The following STXBP6 variants were observed in gnomAD, a reference collection of about 807,000 sequenced individuals.
STXBP6 encodes syntaxin binding protein 6, also known as syntaxin-binding protein 6.
A neutral mutation model predicts 26.9 loss-of-function variants in STXBP6; 21 were observed. The observed-to-expected ratio is 0.78, with a 90% CI of 0.55 to 1.12. STXBP6 has a LOEUF of 1.12. Ranked by LOEUF, STXBP6 falls within the 50% of genes most tolerant of loss-of-function variation. STXBP6 has a pLI of 0.00. For synonymous variants in STXBP6, 97 were observed against 92.6 expected, an observed-to-expected ratio of 1.05 and a Z score of -0.27; for missense variants, 232 against 257.9, an observed-to-expected ratio of 0.90 and a Z score of 0.69.
intron 4 of STXBP6, among the ~76,000 whole-genome samples, chr14:24,847,566 G>A (rs1216887916): frequency 1.3e-5 from 2 of 152,132 alleles, no homozygotes; most frequent in East Asian, 3.9e-4. Flanking sequence ...TTAAATGTAT[G>A]AGCATAATGC....
At chr14:24,906,045 T>A (rs1430139462) in intron 2 of STXBP6, among the ~76,000 whole-genome samples, 1 of 152,236 alleles carries the variant, frequency 6.6e-6, no homozygotes, top group Non-Finnish European at 1.5e-5. Flanking sequence ...CTAATTGTTA[T>A]CATTTGTTAA....
Position 24,810,084 on chromosome 14 carries a change from T to G in STXBP6, c.*2625A>C, listed in dbSNP as rs1457710020. On this transcript the variant is annotated 3_prime_UTR_variant, in exon 6 of 6. Transcript: ENST00000323944. The stretch of plus-strand genomic sequence containing the variant: ...CTTTCTGTACACAGGTATCTAATAA[T>G]ACTAGTGAGAAATACTACAGCTATA... 6.6e-6 allele frequency: 1 copy of G among 152,222 alleles called. No individual in the cohort carries two copies. Among genetic ancestry groups the G allele is most frequent in the Non-Finnish European group, 1.5e-5 (1 of 68,044 alleles). The allele number at this position is 152,222 out of a possible 1,614,324, so 9.4% of individuals were successfully genotyped here. A position where few individuals can be genotyped will look rare whatever the true frequency, so the allele number is the denominator to read the frequency against.
intron 2 of STXBP6, among the ~76,000 whole-genome samples, chr14:24,902,147 TG>T (rs980825083): frequency 6.6e-6 from 1 of 152,192 alleles, no homozygotes; most frequent in African/African-American, 2.4e-5. Flanking sequence ...ACCTACTTTT[TG>T]CTAATGAAAG....
chr14:24,826,865 T>C (rs1263248146), intron 4 of STXBP6, among the ~76,000 whole-genome samples: 1 of 152,226 alleles, frequency 6.6e-6, no homozygotes, highest in East Asian at 1.9e-4. Flanking sequence ...TTAATCTCTA[T>C]GAGCCTATGC....
At chr14:24,878,623 T>C in intron 2 of STXBP6, 1 of 182,096 alleles carries the variant, frequency 5.5e-6, no homozygotes, top group Non-Finnish European at 1.2e-5. Flanking sequence ...CTTATTTATT[T>C]ATTTATTTTT....
chr14:25,046,540 T>C (rs563122160), intron 1 of STXBP6, among the ~76,000 whole-genome samples: 11 of 152,270 alleles, frequency 7.2e-5, no homozygotes, highest in Non-Finnish European at 1.6e-4. Flanking sequence ...TGGGATCCCA[T>C]TTGGCCTAGC....
chr14:24,825,658 G>A (rs1322779261), intron 4 of STXBP6, among the ~76,000 whole-genome samples: 1 of 152,144 alleles, frequency 6.6e-6, no homozygotes, highest in African/African-American at 2.4e-5. Flanking sequence ...AAGCATGTCT[G>A]CCCCAGAGGC....
intron 2 of STXBP6, among the ~76,000 whole-genome samples, chr14:24,934,698 T>C (rs530151897): frequency 6.6e-6 from 1 of 152,176 alleles, no homozygotes; most frequent in African/African-American, 2.4e-5. Context: ...AATGTAAATA[T>C]TAGAGTCCCT....
chr14:24,979,053 G>A (rs1424024009), intron 1 of STXBP6, among the ~76,000 whole-genome samples: 4 of 152,138 alleles, frequency 2.6e-5, no homozygotes, highest in Non-Finnish European at 2.9e-5. Context: ...GTAGTTCTAG[G>A]GAAGTATAGT....
At chr14:25,046,525 T>C (rs1324991209) in intron 1 of STXBP6, among the ~76,000 whole-genome samples, 1 of 149,692 alleles carries the variant, frequency 6.7e-6, no homozygotes, top group Non-Finnish European at 1.5e-5. Flanking sequence ...AGCATGACAG[T>C]GAGCTGGGAT....
At chr14:24,984,022 A>G (rs1301339283) in intron 1 of STXBP6, among the ~76,000 whole-genome samples, 1 of 152,216 alleles carries the variant, frequency 6.6e-6, no homozygotes, top group Non-Finnish European at 1.5e-5. Context: ...TCACGAGGTC[A>G]AGAGATCAAG....
chr14:25,015,106 A>C (rs967995813), intron 1 of STXBP6, among the ~76,000 whole-genome samples: 1 of 152,240 alleles, frequency 6.6e-6, no homozygotes, highest in Non-Finnish European at 1.5e-5. Flanking sequence ...GAAAACTATC[A>C]TTGAGGGATT....
At chr14:24,999,994 A>C (rs1405538079) in intron 1 of STXBP6, among the ~76,000 whole-genome samples, 3 of 152,214 alleles carry the variant, frequency 2.0e-5, no homozygotes, top group Non-Finnish European at 4.4e-5. Context: ...TTTTCCGCTT[A>C]TAATCCCTGG....
intron 2 of STXBP6, among the ~76,000 whole-genome samples, chr14:24,954,143 AG>A (rs2073263334): frequency 6.6e-6 from 1 of 152,198 alleles, no homozygotes; most frequent in African/African-American, 2.4e-5. Flanking sequence ...TGAAGGTAAC[AG>A]GGGAAACAAA....
chr14:24,818,265 C>T (rs930999192), intron 5 of STXBP6, among the ~76,000 whole-genome samples: 1 of 152,184 alleles, frequency 6.6e-6, no homozygotes, highest in African/African-American at 2.4e-5. Flanking sequence ...TCCTCTTTAT[C>T]ACCTGACCAA....
chr14:24,879,032 T>TA (rs2070254432), intron 2 of STXBP6, among the ~76,000 whole-genome samples: 2 of 151,758 alleles, frequency 1.3e-5, no homozygotes, highest in Admixed American at 6.6e-5. Flanking sequence ...TATAAAATGA[T>TA]AAAAAATACA....
At chr14:24,923,542 A>C (rs1429194267) in intron 2 of STXBP6, among the ~76,000 whole-genome samples, 1 of 152,170 alleles carries the variant, frequency 6.6e-6, no homozygotes, top group Non-Finnish European at 1.5e-5. Context: ...GGTTCTCCAA[A>C]GTGGTTATAT....
At chr14:24,927,364 T>G (rs1439285570) in intron 2 of STXBP6, among the ~76,000 whole-genome samples, 1 of 152,220 alleles carries the variant, frequency 6.6e-6, no homozygotes, top group Non-Finnish European at 1.5e-5. Flanking sequence ...CCGACTTTGT[T>G]TCCTCCTTGG....
intron 1 of STXBP6, among the ~76,000 whole-genome samples, chr14:25,019,014 GC>G (rs1373253550): frequency 1.3e-4 from 20 of 152,152 alleles, no homozygotes; most frequent in Non-Finnish European, 2.6e-4. Flanking sequence ...TACTCGGTAG[GC>G]TTCTACCTCA....
Sources: gnomAD v4.1 joint callset for allele counts (sites outside exome capture counted in the v4.1 genomes callset) on GRCh38, gnomAD v4.1.1 for gene constraint, MANE v1.5 for transcripts, NCBI Gene and HGNC (gene_info 2026-07-23, HGNC 2026-07-21) for gene names.